Variants in DNAH9 observed in about 807,000 individuals in gnomAD.
DNAH9 encodes the protein dynein axonemal heavy chain 9, also known as DNAH9 variant protein.
A neutral mutation model predicts 471.6 loss-of-function variants in DNAH9; 345 were observed. The observed-to-expected ratio is 0.73, with a 90% CI of 0.67 to 0.80. The LOEUF (loss-of-function observed/expected upper bound fraction) is 0.80. Among genes scored for constraint, DNAH9 ranks in the 30% least tolerant of loss-of-function variants. The pLI, the probability that DNAH9 is intolerant of heterozygous loss-of-function variation, is 0.00. For synonymous variants in DNAH9, 2,093 were observed against 2,123.6 expected, an observed-to-expected ratio of 0.99 and a Z score of 0.40; for missense variants, 5,407 against 5,609.2, an observed-to-expected ratio of 0.96 and a Z score of 1.15.
intron 63 of DNAH9, among the ~76,000 whole-genome samples, chr17:11,931,192 C>T (rs951153742): frequency 1.3e-5 from 2 of 152,188 alleles, no homozygotes; most frequent in Non-Finnish European, 2.9e-5. Context: ...ATCCATCTGC[C>T]ACACCACGCC....
chr17:11,860,606 G>A lies in DNAH9; in HGVS notation c.9933+6178G>A, dbSNP rs1460637954. On this transcript the variant is annotated intron_variant, in intron 50 of 68. Coordinates refer to ENST00000262442, the MANE Select transcript of DNAH9 (RefSeq NM_001372.4). ...GAGACAGTTTCACTCTTCTTGCCCA[G>A]GCTGGAGTGCAATGGCACAATCTCT... 2.6e-5 allele frequency among the ~76,000 whole-genome samples: 4 copies of A among 151,878 alleles called. No homozygotes were observed. The East Asian group carries it at 5.8e-4, about 22-fold the overall frequency.
chr17:11,757,173 T>A (rs1967431158), intron 34 of DNAH9, among the ~76,000 whole-genome samples: 1 of 152,100 alleles, frequency 6.6e-6, no homozygotes, highest in Admixed American at 6.5e-5. Context: ...ATGAGTAAGT[T>A]CTAGAGACCT....
intron 17 of DNAH9, among the ~76,000 whole-genome samples, chr17:11,679,155 A>G (rs977127100): frequency 6.6e-6 from 1 of 152,152 alleles, no homozygotes; most frequent in Non-Finnish European, 1.5e-5. Flanking sequence ...ATCTTAAGAC[A>G]GTTTTTGATT....
chr17:11,822,821 T>C lies in DNAH9; in HGVS notation c.9033T>C (p.Ile3011=). 1 of 1,614,238 alleles carries C rather than the reference T, an allele frequency of 6.2e-7. No homozygotes were observed. The highest frequency in any genetic ancestry group is 8.5e-7 in the Non-Finnish European group (1 of 1,180,044). ...TTTAGCCCACAGTAAAGCAGTCGATTAGCAAATTCATGGCCTTTGTCCACA... is the reference window on the plus strand; with the variant it reads ...TTTAGCCCACAGTAAAGCAGTCGATCAGCAAATTCATGGCCTTTGTCCACA... ...EGIEPTVKQS[I]SKFMAFVHTS... The change falls in exon 48 of 69, where the codon ATT becomes ATC. Residue 3011 remains isoleucine, a synonymous_variant. Transcript: ENST00000262442.
chr17:11,777,995 A>G (rs755101899), intron 38 of DNAH9, among the ~76,000 whole-genome samples: 3 of 152,178 alleles, frequency 2.0e-5, no homozygotes, highest in Non-Finnish European at 4.4e-5. Flanking sequence ...AGTGATGTAA[A>G]GAGACATGAA....
At chr17:11,644,779 A>C in intron 11 of DNAH9, 80 bp downstream of exon 11, 1 of 955,938 alleles carries the variant, frequency 1.0e-6, no homozygotes, top group Non-Finnish European at 1.7e-6. Flanking sequence ...GTTTGTGCAG[A>C]TTCCTCAGTG....
chr17:11,816,493 G>A (rs945936062), intron 45 of DNAH9, among the ~76,000 whole-genome samples: 1 of 152,192 alleles, frequency 6.6e-6, no homozygotes, highest in Non-Finnish European at 1.5e-5. Context: ...TTCCAGCAGT[G>A]AAGACAAAGG....
chr17:11,872,505 A>G (rs1441754567), intron 52 of DNAH9, among the ~76,000 whole-genome samples: 1 of 151,994 alleles, frequency 6.6e-6, no homozygotes, highest in African/African-American at 2.4e-5. Context: ...GCAACCCACA[A>G]ATACTTCCTG....
At chr17:11,784,579 A>G in intron 41 of DNAH9, 40 bp downstream of exon 41, 1 of 1,613,046 alleles carries the variant, frequency 6.2e-7, no homozygotes, top group Non-Finnish European at 8.5e-7. Context: ...GGGCTTAGTG[A>G]TTATCCAGAT....
At chr17:11,841,870 A>G (rs368612487) in intron 49 of DNAH9, among the ~76,000 whole-genome samples, 17 of 152,158 alleles carry the variant, frequency 1.1e-4, no homozygotes, top group African/African-American at 3.9e-4. Context: ...TTTTCCTTTC[A>G]CATGGGCATC....
Position 11,779,025 on chromosome 17 carries a change from T to C in DNAH9, c.7553-1984T>C, listed in dbSNP as rs1243505015. On this transcript the variant is annotated intron_variant, in intron 38 of 68. Coordinates refer to ENST00000262442, the MANE Select transcript of DNAH9 (RefSeq NM_001372.4). ...CCATCTCAAAAAAAAAGAAGAAAAT[T>C]AAATTGCCCTTCAAGTATAAGATGG... Among the ~76,000 whole-genome samples the C allele has an allele frequency of 3.3e-5, 5 of 151,922 alleles. No individual in the cohort carries two copies. In the South Asian group the frequency reaches 6.2e-4, roughly 19 times the overall value.
At chr17:11,706,428 G>A (rs150012431) in intron 26 of DNAH9, among the ~76,000 whole-genome samples, 1 of 152,226 alleles carries the variant, frequency 6.6e-6, no homozygotes, top group East Asian at 1.9e-4. Flanking sequence ...CAATTCTAAT[G>A]AGGGAAATAA....
intron 68 of DNAH9, among the ~76,000 whole-genome samples, chr17:11,965,430 AAAG>A: frequency 6.6e-6 from 1 of 152,364 alleles, no homozygotes; most frequent in African/African-American, 2.4e-5. Context: ...CATACTTGAC[AAAG>A]AATATAGACT....
intron 39 of DNAH9, among the ~76,000 whole-genome samples, chr17:11,783,037 A>G (rs534380568): frequency 1.3e-5 from 2 of 152,130 alleles, no homozygotes; most frequent in Non-Finnish European, 2.9e-5. Flanking sequence ...TGTTCCCTCC[A>G]CTGTTCTTAC....
Position 11,704,566 on chromosome 17 carries a change from A to T in DNAH9, c.5391+124A>T, listed in dbSNP as rs919873575. The T allele has an allele frequency of 8.0e-6, 7 of 871,096 alleles. No individual in the cohort carries two copies. In the African/African-American group the frequency reaches 1.2e-4, roughly 15 times the overall value. 54.0% of individuals were successfully genotyped at this position (871,096 alleles called of 1,614,324 possible). The stretch of plus-strand genomic sequence containing the variant: ...CTGACCAGACAGCTGGGGGAGGATC[A>T]CAGTGGCTGCTCCTACTTTTTTTTT... On this transcript the variant is annotated intron_variant, in intron 25 of 68. Transcript: ENST00000262442.
chr17:11,669,333 C>A (rs199690396), intron 16 of DNAH9, 37 bp from the exon 17 acceptor site: 1 of 1,597,000 alleles, frequency 6.3e-7, no homozygotes, highest in Admixed American at 1.7e-5. Context: ...CTGCCACACA[C>A]TGGTGTAACC....
At position 11,828,473 on chromosome 17, in the gene DNAH9, C is replaced by CA. The variant is rs56689551; in HGVS notation, c.9246+5453dup. Among the ~76,000 whole-genome samples, 225 of 125,842 alleles carry CA rather than the reference C, an allele frequency of 1.8e-3. 4 individuals carry two copies. The East Asian group carries it at 0.021, about 12-fold the overall frequency. 82.6% of individuals were successfully genotyped at this position (125,842 alleles called of 152,430 possible). A position where few individuals can be genotyped will look rare whatever the true frequency, so the allele number is the denominator to read the frequency against. On this transcript the variant is annotated intron_variant, in intron 48 of 68. Coordinates refer to ENST00000262442, the MANE Select transcript of DNAH9 (RefSeq NM_001372.4). ...GGGCAACAAGAGTGAAACTCCGTCT[C>CA]AAAAAAAAAAAAAATAGTGCCCGAA...
At chr17:11,934,758 A>T (rs1974649883) in intron 65 of DNAH9, among the ~76,000 whole-genome samples, 1 of 151,852 alleles carries the variant, frequency 6.6e-6, no homozygotes, top group Non-Finnish European at 1.5e-5. Flanking sequence ...GGCCTGACAA[A>T]GCCGTTTTTC....
intron 67 of DNAH9, among the ~76,000 whole-genome samples, chr17:11,956,657 CAG>C (rs755621621): frequency 7.9e-5 from 12 of 151,852 alleles, no homozygotes; most frequent in Non-Finnish European, 1.5e-4. Context: ...AAATCAATAA[CAG>C]AAAGATATCA....
Sources: allele counts gnomAD v4.1 joint callset (sites outside exome capture counted in the v4.1 genomes callset), GRCh38; gene constraint gnomAD v4.1.1; transcripts MANE v1.5; gene names NCBI Gene and HGNC (gene_info 2026-07-23, HGNC 2026-07-21).